The following RBFOX3 variants were observed in gnomAD, a reference collection of about 807,000 sequenced individuals.
RBFOX3 encodes RNA binding fox-1 homolog 3.
RBFOX3 carries 17 observed loss-of-function variants against 48.7 expected under a neutral mutation model. That is an observed-to-expected ratio of 0.35 (90% CI 0.24 to 0.52). The LOEUF (loss-of-function observed/expected upper bound fraction) is 0.52, where lower values mean the gene tolerates loss of function less well. Among genes scored for constraint, RBFOX3 ranks in the 20% least tolerant of loss-of-function variants. RBFOX3 has a pLI of 0.94. For synonymous variants in RBFOX3, 212 were observed against 209.5 expected (o/e 1.01, Z -0.10); for missense variants, 382 against 497.5 (o/e 0.77, Z 2.21).
rs185369941 is a variant in RBFOX3, at chr17:79,266,380, C to T, written c.-73-30575G>A. Among the ~76,000 whole-genome samples, 333 of 152,230 alleles carry T rather than the reference C, an allele frequency of 2.2e-3. 7 individuals carry two copies. Among genetic ancestry groups the T allele is most frequent in the Non-Finnish European group, 3.5e-4 (24 of 68,030 alleles). ...GATTTACCTGCTGAAGTCAGTGCTC[C>T]GCCCGCCCATCTCATCCAGCTGTGC... On this transcript the variant is annotated intron_variant, in intron 3 of 14. Transcript: ENST00000693108.
At position 79,220,217 on chromosome 17, in the gene RBFOX3, C is replaced by G. The variant is rs906559438; in HGVS notation, c.-34+15549G>C. On this transcript the variant is annotated intron_variant, in intron 4 of 14. Transcript: ENST00000693108. The surrounding 1 kb of genome is among the most constrained non-coding windows in gnomAD (Gnocchi z 5.9). ...TCATCATTTCGGAACCGCGGCTCCA[C>G]AGCAGGCTCCCGGGGAGGAGGGGAG... Among the ~76,000 whole-genome samples the G allele has an allele frequency of 6.6e-6, 1 of 152,102 alleles. No individual in the cohort carries two copies. Among genetic ancestry groups the G allele is most frequent in the African/African-American group, 2.4e-5 (1 of 41,420 alleles).
intron 2 of RBFOX3, among the ~76,000 whole-genome samples, chr17:79,401,264 G>A (rs1310807086): frequency 6.6e-5 from 10 of 152,194 alleles, no homozygotes; most frequent in Admixed American, 2.0e-4. Context: ...CCTGAGCGGC[G>A]GGAGCCACGC....
At chr17:79,288,891 A>G (rs894797840) in intron 3 of RBFOX3, among the ~76,000 whole-genome samples, 6 of 152,206 alleles carry the variant, frequency 3.9e-5, no homozygotes, top group African/African-American at 1.4e-4. Context: ...CTGCATGAAA[A>G]GCACAAGTTC....
At chr17:79,258,653 T>G (rs1020590762) in intron 3 of RBFOX3, among the ~76,000 whole-genome samples, 1 of 152,092 alleles carries the variant, frequency 6.6e-6, no homozygotes, top group Non-Finnish European at 1.5e-5. Flanking sequence ...GTGGCGAAGT[T>G]CTTCTCAGGT....
chr17:79,428,341 C>G (rs1325966450), intron 2 of RBFOX3, among the ~76,000 whole-genome samples: 1 of 152,232 alleles, frequency 6.6e-6, no homozygotes, highest in Non-Finnish European at 1.5e-5. Context: ...TGCAGACCCA[C>G]CCTGGTCTGG....
chr17:79,444,278 T>C (rs1027515873), intron 2 of RBFOX3, among the ~76,000 whole-genome samples: 1 of 152,098 alleles, frequency 6.6e-6, no homozygotes, highest in Non-Finnish European at 1.5e-5. Context: ...GGGAGCCCCT[T>C]GTGGGTTGGG....
chr17:79,346,233 G>T (rs1250600229), intron 2 of RBFOX3, among the ~76,000 whole-genome samples: 3 of 152,116 alleles, frequency 2.0e-5, no homozygotes, highest in Non-Finnish European at 2.9e-5. Context: ...TCCTCTAAGA[G>T]ATTTTTGACA....
chr17:79,561,683 G>C (rs1175452360), intron 1 of RBFOX3, among the ~76,000 whole-genome samples: 10 of 152,188 alleles, frequency 6.6e-5, no homozygotes, highest in Non-Finnish European at 1.5e-4. Context: ...TGTCCTCACA[G>C]CAAACTCTGC....
intron 5 of RBFOX3, among the ~76,000 whole-genome samples, chr17:79,110,003 G>A (rs1450387547): frequency 2.0e-5 from 3 of 152,132 alleles, no homozygotes; most frequent in Admixed American, 2.0e-4. Flanking sequence ...GGTGTGCAGG[G>A]AAGCCCTCGC....
At chr17:79,105,988 C>T (rs1039551300) in intron 6 of RBFOX3, among the ~76,000 whole-genome samples, 1 of 152,208 alleles carries the variant, frequency 6.6e-6, no homozygotes, top group South Asian at 2.1e-4. Context: ...TGACCCAGGA[C>T]CCAGGGGCAG....
chr17:79,241,528 G>C (rs144357774), intron 3 of RBFOX3, among the ~76,000 whole-genome samples: 1 of 152,138 alleles, frequency 6.6e-6, no homozygotes, highest in Non-Finnish European at 1.5e-5. Context: ...TGATGTTGAC[G>C]TGGAAGGTGC....
At chr17:79,162,481 C>G (rs146580549) in intron 4 of RBFOX3, among the ~76,000 whole-genome samples, 11 of 152,234 alleles carry the variant, frequency 7.2e-5, no homozygotes, top group Admixed American at 2.0e-4. Context: ...ATGGAGCACA[C>G]ATGCATGGAG....
At chr17:79,146,139 A>C (rs1323730358) in intron 4 of RBFOX3, among the ~76,000 whole-genome samples, 3 of 152,090 alleles carry the variant, frequency 2.0e-5, no homozygotes, top group African/African-American at 7.2e-5. Flanking sequence ...ATACAGACGA[A>C]GCTTCACTCC....
At chr17:79,152,648 G>T (rs2125961) in intron 4 of RBFOX3, among the ~76,000 whole-genome samples, 104,230 of 151,936 alleles carry the variant, frequency 0.69, 36,139 homozygotes, top group East Asian at 0.73. Flanking sequence ...AGAAGGAGAC[G>T]GAAAAGGGGA....
intron 4 of RBFOX3, among the ~76,000 whole-genome samples, chr17:79,163,308 T>C (rs1026677497): frequency 6.6e-6 from 1 of 152,158 alleles, no homozygotes; most frequent in South Asian, 2.1e-4. Context: ...GCCCGGGGCC[T>C]CACGGCCTCA....
chr17:79,351,024 CCT>C (rs1377210124), intron 2 of RBFOX3, among the ~76,000 whole-genome samples: 1 of 152,194 alleles, frequency 6.6e-6, no homozygotes, highest in African/African-American at 2.4e-5. Context: ...AGTATTTGCC[CCT>C]GTGCATCTGG....
At chr17:79,401,808 CA>C (rs1234900163) in intron 2 of RBFOX3, among the ~76,000 whole-genome samples, 1 of 152,240 alleles carries the variant, frequency 6.6e-6, no homozygotes. Context: ...CGACCGGCTC[CA>C]GATACAGCAG....
chr17:79,109,186 G>C (rs538673872), intron 5 of RBFOX3, among the ~76,000 whole-genome samples: 2 of 152,336 alleles, frequency 1.3e-5, no homozygotes, highest in South Asian at 2.1e-4. Context: ...GGCTCTCGGA[G>C]GGCATGAGCC....
At chr17:79,656,830 A>AAAGAAAGAAAGAAGGAAAG in the RBFOX3 span, among the ~76,000 whole-genome samples, 1 of 140,796 alleles carries the variant, frequency 7.1e-6, no homozygotes, top group African/African-American at 2.8e-5. Flanking sequence ...AGAAAGAAAG[A>AAAGAAAGAAAGAAGGAAAG]AAAGAAAGAA....
Sources: allele counts gnomAD v4.1 joint callset (sites outside exome capture counted in the v4.1 genomes callset), GRCh38; gene constraint gnomAD v4.1.1; non-coding constraint Gnocchi (gnomAD v3.1); transcripts MANE v1.5; gene names NCBI Gene and HGNC (gene_info 2026-07-23, HGNC 2026-07-21).